The following EDNRB variants were observed in gnomAD, a reference collection of about 807,000 sequenced individuals.
The protein encoded by EDNRB is Hirschsprung disease 2.
Under a neutral mutation model 46.4 loss-of-function variants are expected in EDNRB, and 18 were observed. The observed-to-expected ratio is 0.39, with a 90% CI of 0.27 to 0.57. EDNRB has a LOEUF of 0.57. Among genes scored for constraint, EDNRB ranks in the 20% least tolerant of loss-of-function variants. The probability of loss-of-function intolerance (pLI) is 0.61; values close to 1 mark genes in which losing one functional copy is unlikely to be tolerated. For synonymous variants in EDNRB, 213 were observed against 204.9 expected (o/e 1.04, Z -0.34); for missense variants, 434 against 537.5 (o/e 0.81, Z 1.90).
chr13:77,911,275 T>C (rs1271891572), intron 1 of EDNRB, among the ~76,000 whole-genome samples: 1 of 152,020 alleles, frequency 6.6e-6, no homozygotes, highest in Non-Finnish European at 1.5e-5. Context: ...GCAAACTACA[T>C]GAATTCAACA....
chr13:77,922,057 A>C (rs1310537088), upstream of EDNRB, among the ~76,000 whole-genome samples: 1 of 152,174 alleles, frequency 6.6e-6, no homozygotes, highest in East Asian at 1.9e-4. Context: ...TATGAGCAAA[A>C]AGTTGTATCA....
chr13:77,900,384 G>C lies in EDNRB; in HGVS notation c.1085+137C>G. On this transcript the variant is annotated intron_variant, in intron 5 of 6. Transcript: ENST00000646607. Reference sequence around the variant, plus strand: ...CCCTGTCCCTCTCAACAGGACCTCAGATAAAAATTGGGAGTCTCCATGACT... The same window carrying C: ...CCCTGTCCCTCTCAACAGGACCTCACATAAAAATTGGGAGTCTCCATGACT... 4.1e-6 allele frequency: 5 copies of C among 1,210,164 alleles called. No individual in the cohort carries two copies. The Admixed American group carries it at 9.5e-5, about 23-fold the overall frequency. The allele number at this position is 1,210,164 out of a possible 1,614,324, so 75.0% of individuals were successfully genotyped here. A position where few individuals can be genotyped will look rare whatever the true frequency, so the allele number is the denominator to read the frequency against.
At chr13:77,959,476 G>A (rs1594397999) in intron 1 of EDNRB, among the ~76,000 whole-genome samples, 1 of 152,208 alleles carries the variant, frequency 6.6e-6, no homozygotes, top group Non-Finnish European at 1.5e-5. Context: ...CTGCAGCTGA[G>A]GGTCCTGACT....
chr13:77,940,700 G>GAT lies in EDNRB; in HGVS notation c.-51-22077_-51-22076insAT, dbSNP rs906671179. ...TCAAAGCCAAGGAAAAGATGAATTGGGTGTGTGTGTGTGTGTGTGTGTGTG... is the reference window on the plus strand; with the variant it reads ...TCAAAGCCAAGGAAAAGATGAATTGGATGTGTGTGTGTGTGTGTGTGTGTGTG... On this transcript the variant is annotated intron_variant, in intron 1 of 7. Transcript: ENST00000646948. Among the ~76,000 whole-genome samples the GAT allele has an allele frequency of 1.3e-4, 20 of 149,188 alleles. No individual in the cohort carries two copies. The East Asian group carries it at 2.4e-3, about 18-fold the overall frequency.
Position 77,896,676 on chromosome 13 carries a change from A to C in EDNRB, c.*1524T>G. ...ACATTGCACTGTGTTTTGCTGGAAC[A>C]AAATCAGGACCTTTTGCATTGATGT... On this transcript the variant is annotated 3_prime_UTR_variant, in exon 7 of 7. Transcript: ENST00000646607. The C allele has an allele frequency of 3.4e-6, 5 of 1,462,500 alleles. No individual in the cohort carries two copies. Among genetic ancestry groups the C allele is most frequent in the Non-Finnish European group, 4.5e-6 (5 of 1,113,300 alleles). 90.6% of individuals were successfully genotyped at this position (1,462,500 alleles called of 1,614,324 possible). A position where few individuals can be genotyped will look rare whatever the true frequency, so the allele number is the denominator to read the frequency against.
chr13:77,917,741 G>T (rs1050415067), intron 1 of EDNRB, among the ~76,000 whole-genome samples: 1 of 152,146 alleles, frequency 6.6e-6, no homozygotes, highest in African/African-American at 2.4e-5. Flanking sequence ...AAATTACTGT[G>T]CTCCACTCCA....
At chr13:77,934,159 G>A (rs192064557) in intron 1 of EDNRB, among the ~76,000 whole-genome samples, 40 of 152,284 alleles carry the variant, frequency 2.6e-4, no homozygotes, top group Middle Eastern at 3.4e-3. Context: ...AGTTGAGAAC[G>A]GTCAATAGGA....
chr13:77,920,449 A>C (rs539592259), upstream of EDNRB, among the ~76,000 whole-genome samples: 1 of 152,300 alleles, frequency 6.6e-6, no homozygotes, highest in African/African-American at 2.4e-5. Context: ...TGGAACTTCA[A>C]ACCCAGAAGC....
At chr13:77,975,172 C>T (rs541373172) in intron 1 of EDNRB, among the ~76,000 whole-genome samples, 77 of 152,322 alleles carry the variant, frequency 5.1e-4, no homozygotes, top group African/African-American at 1.7e-3. Flanking sequence ...CATCGGTGAT[C>T]AGGCCATGCT....
intron 1 of EDNRB, among the ~76,000 whole-genome samples, chr13:77,913,057 A>G (rs1879649375): frequency 6.6e-6 from 1 of 152,136 alleles, no homozygotes; most frequent in Admixed American, 6.6e-5. Flanking sequence ...TAACTACAAA[A>G]CTAGTTAATT....
At chr13:77,915,409 A>G (rs1879760749) in intron 1 of EDNRB, among the ~76,000 whole-genome samples, 2 of 152,168 alleles carry the variant, frequency 1.3e-5, no homozygotes, top group African/African-American at 4.8e-5. Context: ...GAGATCCTAA[A>G]ACAATACTCA....
chr13:77,898,014 T>A lies in EDNRB; in HGVS notation c.*186A>T, dbSNP rs1878722409. On this transcript the variant is annotated 3_prime_UTR_variant, in exon 7 of 7. Coordinates refer to ENST00000646607, the MANE Select transcript of EDNRB (RefSeq NM_001122659.3). ...TTTCTTAATTCCCACTGATTTTCTTTCCATGCCGTAAACAGCTCATAAAAT... is the reference window on the plus strand; with the variant it reads ...TTTCTTAATTCCCACTGATTTTCTTACCATGCCGTAAACAGCTCATAAAAT... 1 of 1,389,004 alleles carries A rather than the reference T, an allele frequency of 7.2e-7. No individual in the cohort carries two copies. Among genetic ancestry groups the A allele is most frequent in the African/African-American group, 1.5e-5 (1 of 68,428 alleles). The allele number at this position is 1,389,004 out of a possible 1,614,324, so 86.0% of individuals were successfully genotyped here.
chr13:77,909,408 T>A (rs984237802), intron 1 of EDNRB, among the ~76,000 whole-genome samples: 1 of 152,004 alleles, frequency 6.6e-6, no homozygotes. Flanking sequence ...GTTTCATTTC[T>A]CTTTTTAATT....
upstream of EDNRB, among the ~76,000 whole-genome samples, chr13:77,921,632 G>A (rs1158558483): frequency 3.3e-5 from 5 of 152,040 alleles, no homozygotes; most frequent in Non-Finnish European, 7.4e-5. Context: ...TCTTATTTTG[G>A]GGAAACAGTG....
At chr13:77,959,601 C>T (rs997445011) in intron 1 of EDNRB, among the ~76,000 whole-genome samples, 2 of 152,192 alleles carry the variant, frequency 1.3e-5, no homozygotes, top group Admixed American at 1.3e-4. Context: ...AGAAACAGAA[C>T]AGAAAAGCTG....
At chr13:77,912,492 G>T (rs572833441) in intron 1 of EDNRB, among the ~76,000 whole-genome samples, 1 of 152,210 alleles carries the variant, frequency 6.6e-6, no homozygotes, top group South Asian at 2.1e-4. Context: ...AATACAGAAG[G>T]AATCAAGCTT....
chr13:77,900,094 C>T (rs1878865919), intron 5 of EDNRB, 127 bp from the exon 6 acceptor site: 3 of 773,026 alleles, frequency 3.9e-6, no homozygotes, highest in Non-Finnish European at 6.6e-6. Flanking sequence ...TATCACTCGT[C>T]TTTGCTAACA....
chr13:77,956,418 A>G (rs1412346405), intron 1 of EDNRB, among the ~76,000 whole-genome samples: 1 of 152,118 alleles, frequency 6.6e-6, no homozygotes, highest in East Asian at 1.9e-4. Flanking sequence ...TTTTTTGTAG[A>G]TACTTTGGAG....
chr13:77,904,602 G>T (rs1206933063), intron 1 of EDNRB, among the ~76,000 whole-genome samples: 1 of 151,576 alleles, frequency 6.6e-6, no homozygotes, highest in African/African-American at 2.4e-5. Context: ...CACACACATA[G>T]TATGTTATAT....
Sources: gnomAD v4.1 joint callset for allele counts (sites outside exome capture counted in the v4.1 genomes callset) on GRCh38, gnomAD v4.1.1 for gene constraint, MANE v1.5 for transcripts, NCBI Gene and HGNC (gene_info 2026-07-23, HGNC 2026-07-21) for gene names.